Variants in MAF observed in about 807,000 individuals in gnomAD.
The protein encoded by MAF is MAF bZIP transcription factor, also known as transcription factor Maf.
Under a neutral mutation model 22.0 loss-of-function variants are expected in MAF, and 10 were observed. That is an observed-to-expected ratio of 0.45 (90% CI 0.28 to 0.77). The LOEUF (loss-of-function observed/expected upper bound fraction) is 0.77, where lower values mean the gene tolerates loss of function less well. Among genes scored for constraint, MAF ranks in the 30% least tolerant of loss-of-function variants. The pLI, the probability that MAF is intolerant of heterozygous loss-of-function variation, is 0.12. For missense variants in MAF, 544 were observed against 548.4 expected, an observed-to-expected ratio of 0.99 and a Z score of 0.08; for synonymous variants, 337 against 255.8, an observed-to-expected ratio of 1.32 and a Z score of -3.03.
chr16:79,472,914 A>G, the MAF span, among the ~76,000 whole-genome samples: 311 of 152,150 alleles, frequency 2.0e-3, 4 homozygotes, highest in African/African-American at 7.2e-3. Context: ...TCAGTGATTG[A>G]ATGGGTGTGT....
the MAF span, among the ~76,000 whole-genome samples, chr16:79,501,235 T>C: frequency 6.6e-6 from 1 of 152,214 alleles, no homozygotes; most frequent in Admixed American, 6.5e-5. Flanking sequence ...ATCTGCCTCC[T>C]TGAAGGGTTG....
At chr16:79,509,965 G>C in the MAF span, among the ~76,000 whole-genome samples, 10 of 152,328 alleles carry the variant, frequency 6.6e-5, no homozygotes, top group South Asian at 8.3e-4. Flanking sequence ...GGATAGCGGA[G>C]GGTATCCTGA....
the MAF span, among the ~76,000 whole-genome samples, chr16:79,390,183 C>A: frequency 2.0e-5 from 3 of 151,764 alleles, no homozygotes; most frequent in African/African-American, 7.3e-5. Context: ...ATGGACTGGG[C>A]GAATCTGAAC....
the MAF span, among the ~76,000 whole-genome samples, chr16:79,510,049 C>G: frequency 1.2e-4 from 19 of 152,192 alleles, no homozygotes; most frequent in Admixed American, 5.2e-4. Context: ...TCACTGGAAT[C>G]AGGTTTGTAA....
At chr16:79,351,646 C>G in the MAF span, among the ~76,000 whole-genome samples, 5 of 146,538 alleles carry the variant, frequency 3.4e-5, no homozygotes, top group African/African-American at 1.4e-4. Context: ...CACTTGGAAA[C>G]AGATTTTTTT....
chr16:79,215,161 T>A, the MAF span, among the ~76,000 whole-genome samples: 3 of 152,186 alleles, frequency 2.0e-5, no homozygotes, highest in African/African-American at 7.2e-5. Flanking sequence ...CCAGGAGTGT[T>A]TGATTTCAAG....
At chr16:79,312,814 T>C in the MAF span, among the ~76,000 whole-genome samples, 1 of 152,180 alleles carries the variant, frequency 6.6e-6, no homozygotes, top group African/African-American at 2.4e-5. Flanking sequence ...TGACTCAGAT[T>C]GTCTTCGGCT....
At chr16:79,235,497 T>C in the MAF span, among the ~76,000 whole-genome samples, 1 of 151,860 alleles carries the variant, frequency 6.6e-6, no homozygotes, top group Admixed American at 6.6e-5. Context: ...GCCCAGGAGT[T>C]TGAGGGGCAA....
chr16:79,588,334 T>C (rs1912982986), intron 1 of MAF, among the ~76,000 whole-genome samples: 1 of 152,214 alleles, frequency 6.6e-6, no homozygotes, highest in African/African-American at 2.4e-5. Flanking sequence ...CAGCCCAGGC[T>C]CTGCGCATGT....
At chr16:79,404,133 C>T in the MAF span, among the ~76,000 whole-genome samples, 1 of 151,666 alleles carries the variant, frequency 6.6e-6, no homozygotes, top group South Asian at 2.1e-4. Flanking sequence ...TTTGTAGGAG[C>T]CCTTAACATG....
the MAF span, among the ~76,000 whole-genome samples, chr16:79,536,792 T>C: frequency 2.0e-5 from 3 of 152,238 alleles, no homozygotes; most frequent in Non-Finnish European, 4.4e-5. Context: ...GTATTAGTTA[T>C]TATAAGTAAT....
the MAF span, among the ~76,000 whole-genome samples, chr16:79,209,330 A>G: frequency 3.3e-5 from 5 of 152,244 alleles, no homozygotes; most frequent in Non-Finnish European, 7.3e-5. Context: ...CAGTAATGCA[A>G]GAGTGCAACG....
the MAF span, among the ~76,000 whole-genome samples, chr16:79,498,728 G>T: frequency 6.6e-6 from 1 of 152,296 alleles, no homozygotes; most frequent in South Asian, 2.1e-4. Context: ...TTTGTTTCTG[G>T]AATCCTTGTA....
the MAF span, among the ~76,000 whole-genome samples, chr16:79,240,872 T>C: frequency 6.6e-6 from 1 of 152,064 alleles, no homozygotes; most frequent in South Asian, 2.1e-4. Context: ...TTTGCTGTTC[T>C]GCAGCCTCCA....
chr16:79,225,372 T>G, the MAF span, among the ~76,000 whole-genome samples: 5 of 152,210 alleles, frequency 3.3e-5, no homozygotes, highest in East Asian at 9.7e-4. Flanking sequence ...CAAGCTGGAT[T>G]AAAGACCTAA....
the MAF span, among the ~76,000 whole-genome samples, chr16:79,269,559 G>A: frequency 6.6e-6 from 1 of 152,254 alleles, no homozygotes; most frequent in Middle Eastern, 3.4e-3. Flanking sequence ...GTGATTAATG[G>A]CATCTTGAGG....
chr16:79,216,811 C>CT, the MAF span, among the ~76,000 whole-genome samples: 3,215 of 140,924 alleles, frequency 0.023, 113 homozygotes, highest in South Asian at 0.074. Context: ...CTATCTGCTA[C>CT]TTTTTTTTTT....
At position 79,599,596 on chromosome 16, in the gene MAF, G is replaced by T; in HGVS notation, c.307C>A (p.Pro103Thr). The change falls in exon 1 of 2, where the codon CCC becomes ACC. Residue 103 changes from proline to threonine, a missense_variant. Around this residue, in one of 5 missense-constraint regions of MAF, gnomAD observed 342 missense variants for 315.5 expected, o/e 1.08. Transcript: ENST00000326043. ...TCGGGGCTGAAGCCCAGCGCCTCGGGGTTCAGCTGCTGCGGGTAGCCGGTC... is the reference window on the plus strand; with the variant it reads ...TCGGGGCTGAAGCCCAGCGCCTCGGTGTTCAGCTGCTGCGGGTAGCCGGTC... The part of the protein sequence containing the change: ...WMTGYPQQLN[P>T]EALGFSPEDA... The T allele has an allele frequency of 2.5e-6, 4 of 1,608,918 alleles. No homozygotes were observed. The highest frequency in any genetic ancestry group is 1.1e-5 in the South Asian group (1 of 90,292).
chr16:79,484,097 G>A, the MAF span, among the ~76,000 whole-genome samples: 2 of 152,280 alleles, frequency 1.3e-5, no homozygotes, highest in South Asian at 2.1e-4. Flanking sequence ...TAACTGAATG[G>A]CACAGCACCC....
Sources: allele counts gnomAD v4.1 joint callset (sites outside exome capture counted in the v4.1 genomes callset), GRCh38; gene constraint gnomAD v4.1.1; regional missense constraint gnomAD v4.1.1; transcripts MANE v1.5; gene names NCBI Gene and HGNC (gene_info 2026-07-23, HGNC 2026-07-21).